TRAF3IP2: variants seen among roughly 807,000 people sequenced by gnomAD.
The protein encoded by TRAF3IP2 is TRAF3 interacting protein 2.
A neutral mutation model predicts 57.9 loss-of-function variants in TRAF3IP2; 35 were observed. The observed-to-expected ratio is 0.60, with a 90% confidence interval of 0.46 to 0.80. The LOEUF is 0.80. Among genes scored for constraint, TRAF3IP2 ranks in the 30% least tolerant of loss-of-function variants. TRAF3IP2 has a pLI of 0.00. For synonymous variants in TRAF3IP2, 251 were observed against 268.9 expected, an observed-to-expected ratio of 0.93 and a Z score of 0.65; for missense variants, 556 against 706.4, an observed-to-expected ratio of 0.79 and a Z score of 2.41.
chr6:111,580,262 G>A lies in TRAF3IP2; in HGVS notation c.957C>T (p.Ser319=). ...PVQKVILNYP[S]PWDHEERPAQ... The stretch of plus-strand genomic sequence containing the variant: ...CGGGCCTCTCTTCGTGGTCCCAGGG[G>A]CTGGGATAATTCAGGATAACCTTCT... Residue 319 remains serine (S), a synonymous_variant, in exon 3 of 9, where the codon AGC becomes AGT. Transcript: ENST00000368761. 1 of 1,613,056 alleles carries A rather than the reference G, an allele frequency of 6.2e-7. No individual in the cohort carries two copies. Among genetic ancestry groups the A allele is most frequent in the Non-Finnish European group, 8.5e-7 (1 of 1,179,070 alleles).
intron 2 of TRAF3IP2, among the ~76,000 whole-genome samples, chr6:111,584,446 T>C (rs1001070399): frequency 6.6e-6 from 1 of 152,152 alleles, no homozygotes; most frequent in Non-Finnish European, 1.5e-5. Context: ...CAGTAAGAAA[T>C]GAGTGTTCCC....
intron 2 of TRAF3IP2, among the ~76,000 whole-genome samples, chr6:111,582,754 C>T (rs1439541287): frequency 3.9e-5 from 6 of 152,128 alleles, no homozygotes; most frequent in East Asian, 1.9e-4. Flanking sequence ...TAGCTAGAAC[C>T]GTCTTGGTGG....
intron 8 of TRAF3IP2, among the ~76,000 whole-genome samples, chr6:111,561,881 G>T (rs1352523696): frequency 6.6e-6 from 1 of 152,206 alleles, no homozygotes; most frequent in Non-Finnish European, 1.5e-5. Flanking sequence ...TCATCAGTAA[G>T]TGACAGCAGT....
chr6:111,599,921 T>C (rs1166875523), intron 1 of TRAF3IP2: 1 of 152,210 alleles, frequency 6.6e-6, no homozygotes, highest in African/African-American at 2.4e-5. Flanking sequence ...TATGCAATAC[T>C]TAAATGCACA....
intron 3 of TRAF3IP2, among the ~76,000 whole-genome samples, chr6:111,577,346 A>G (rs1157759665): frequency 6.6e-6 from 1 of 152,224 alleles, no homozygotes; most frequent in African/African-American, 2.4e-5. Context: ...ATGACAGAGT[A>G]AACTTTCTGA....
intron 5 of TRAF3IP2, among the ~76,000 whole-genome samples, chr6:111,570,394 T>A (rs1372278257): frequency 6.6e-6 from 1 of 152,242 alleles, no homozygotes; most frequent in African/African-American, 2.4e-5. Context: ...GCCAGAATAC[T>A]GCACTATCCC....
chr6:111,563,592 C>T (rs953194965), intron 7 of TRAF3IP2, among the ~76,000 whole-genome samples: 1 of 152,146 alleles, frequency 6.6e-6, no homozygotes. Flanking sequence ...GCCATCCATT[C>T]TACATCAGAG....
Position 111,592,023 on chromosome 6 carries a change from G to A in TRAF3IP2, c.64C>T (p.Pro22Ser). 4 of 1,614,210 alleles carry A rather than the reference G, an allele frequency of 2.5e-6. No individual in the cohort carries two copies. Among genetic ancestry groups the A allele is most frequent in the Non-Finnish European group, 3.4e-6 (4 of 1,180,030 alleles). Reference sequence around the variant, plus strand: ...TCTTCCGGGGAATATTCTGGGATTGGTTTCAGCAACTGACTTGGGTATGGT... The same window carrying A: ...TCTTCCGGGGAATATTCTGGGATTGATTTCAGCAACTGACTTGGGTATGGT... ...SEPYPSQLLK[P>S]IPEYSPEEES... The change falls in exon 2 of 9, where the codon CCA becomes TCA. Residue 22 changes from proline (P) to serine (S), a missense_variant. Transcript: ENST00000368761.
rs560013350 is a variant in TRAF3IP2 at position 111,578,794 on chromosome 6, G to A, written c.1022+1403C>T. Among the ~76,000 whole-genome samples the A allele has an allele frequency of 5.9e-5, 9 of 152,146 alleles. No individual in the cohort carries two copies. In the South Asian group the frequency reaches 1.2e-3, roughly 21 times the overall value. On this transcript the variant is annotated intron_variant, in intron 3 of 8. Coordinates refer to ENST00000368761, the MANE Select transcript of TRAF3IP2 (RefSeq NM_147686.4). ...CCATGAAATGTTCAAACTAATTACCGCTTTCTGTATTTCTGAAAAATCCAC... is the reference window on the plus strand; with the variant it reads ...CCATGAAATGTTCAAACTAATTACCACTTTCTGTATTTCTGAAAAATCCAC...
chr6:111,604,704 G>A (rs568299683), intron 1 of TRAF3IP2, among the ~76,000 whole-genome samples: 3 of 152,304 alleles, frequency 2.0e-5, no homozygotes, highest in Non-Finnish European at 2.9e-5. Flanking sequence ...GACATGGAAG[G>A]GGGGTGAGCA....
In TRAF3IP2 at chr6:111,591,052, T is replaced by C. The variant is rs1293310022; in HGVS notation, c.829+206A>G. ...GGTCCCTAGAGAAGGAGACTCCAAG[T>C]GGGACAGGCTTTAGGCTAAGAAAAA... On this transcript the variant is annotated intron_variant, in intron 2 of 8. Transcript: ENST00000368761. This position sits in a 1 kb window ranked among gnomAD's most constrained non-coding sequence, Gnocchi z 4.9. Among the ~76,000 whole-genome samples, 2 of 152,134 alleles carry C rather than the reference T, an allele frequency of 1.3e-5. No individual in the cohort carries two copies. Among genetic ancestry groups the C allele is most frequent in the Admixed American group, 6.5e-5 (1 of 15,276 alleles).
At chr6:111,566,748 G>GA (rs897972621) in intron 6 of TRAF3IP2, among the ~76,000 whole-genome samples, 188 bp from the exon 7 acceptor site, 32 of 152,170 alleles carry the variant, frequency 2.1e-4, no homozygotes, top group African/African-American at 7.7e-4. Flanking sequence ...TGAACATGCA[G>GA]AGCAAATGGC....
intron 5 of TRAF3IP2, among the ~76,000 whole-genome samples, chr6:111,568,432 A>T (rs898764420): frequency 1.4e-5 from 2 of 146,722 alleles, no homozygotes; most frequent in Non-Finnish European, 3.0e-5. Context: ...TATACTGCAG[A>T]GTGTGTGTGT....
At chr6:111,580,128 A>G in intron 3 of TRAF3IP2, 69 bp downstream of exon 3, 1 of 1,540,136 alleles carries the variant, frequency 6.5e-7, no homozygotes, top group Non-Finnish European at 8.8e-7. Context: ...ATTCTGTTAC[A>G]TCTTCATTGC....
intron 3 of TRAF3IP2, among the ~76,000 whole-genome samples, chr6:111,579,671 G>A (rs1016200632): frequency 1.3e-5 from 2 of 152,192 alleles, no homozygotes; most frequent in African/African-American, 2.4e-5. Context: ...GGTAGAGGTT[G>A]CAGTGAGTCA....
intron 8 of TRAF3IP2, among the ~76,000 whole-genome samples, chr6:111,561,427 AGACTCC>A (rs1169154356): frequency 6.6e-6 from 1 of 152,182 alleles, no homozygotes; most frequent in African/African-American, 2.4e-5. Context: ...TGACAGAGCA[AGACTCC>A]GTCTCAAAAC....
At chr6:111,569,548 G>A (rs572990445) in intron 5 of TRAF3IP2, among the ~76,000 whole-genome samples, 1 of 144,524 alleles carries the variant, frequency 6.9e-6, no homozygotes, top group East Asian at 2.1e-4. Context: ...GGTTAGGAGT[G>A]TGAGACCAGC....
intron 5 of TRAF3IP2, among the ~76,000 whole-genome samples, chr6:111,569,514 G>A (rs1480274513): frequency 6.6e-6 from 1 of 152,162 alleles, no homozygotes; most frequent in Non-Finnish European, 1.5e-5. Flanking sequence ...CACTTTGGGA[G>A]GCTGAGGGGG....
intron 5 of TRAF3IP2, among the ~76,000 whole-genome samples, chr6:111,571,889 C>T (rs1795843240): frequency 6.7e-6 from 1 of 148,496 alleles, no homozygotes; most frequent in South Asian, 2.1e-4. Flanking sequence ...CACACCAGCC[C>T]AGGCAACAGT....
Sources: allele counts gnomAD v4.1 joint callset (sites outside exome capture counted in the v4.1 genomes callset), GRCh38; gene constraint gnomAD v4.1.1; non-coding constraint Gnocchi (gnomAD v3.1); transcripts MANE v1.5; gene names NCBI Gene and HGNC (gene_info 2026-07-23, HGNC 2026-07-21).